The following NUP210 variants were observed in gnomAD, a reference collection of about 807,000 sequenced individuals.
NUP210 encodes nuclear pore membrane glycoprotein 210.
In NUP210, 151 loss-of-function variants were observed where a neutral mutation model predicts 196.0. The observed-to-expected ratio is 0.77, with a 90% confidence interval of 0.67 to 0.88. The LOEUF is 0.88. NUP210 is among the 40% of genes least tolerant of loss of function. The pLI, the probability that NUP210 is intolerant of heterozygous loss-of-function variation, is 0.00. For missense variants in NUP210, 2,314 were observed against 2,493.7 expected (o/e 0.93, Z 1.53); for synonymous variants, 1,070 against 1,052.7 (o/e 1.02, Z -0.32).
intron 4 of NUP210, among the ~76,000 whole-genome samples, chr3:13,389,408 C>G (rs903434506): frequency 6.6e-6 from 1 of 152,186 alleles, no homozygotes; most frequent in African/African-American, 2.4e-5. Context: ...CAGTGGCCCT[C>G]AGAGGCAGGC....
intron 18 of NUP210, 150 bp downstream of exon 18, chr3:13,353,403 CT>C (rs890840520): frequency 2.3e-5 from 15 of 644,906 alleles, no homozygotes; most frequent in Non-Finnish European, 3.0e-5. Context: ...ATAGCAGTGC[CT>C]CTCCTGGGGC....
At chr3:13,416,480 C>T (rs1700352415) in intron 1 of NUP210, among the ~76,000 whole-genome samples, 3 of 152,354 alleles carry the variant, frequency 2.0e-5, no homozygotes, top group East Asian at 1.9e-4. Context: ...TTGGTCTCTT[C>T]GCCTGAAGGC....
chr3:13,351,200 C>T (rs1202133985), intron 20 of NUP210, among the ~76,000 whole-genome samples: 1 of 152,122 alleles, frequency 6.6e-6, no homozygotes, highest in Non-Finnish European at 1.5e-5. Flanking sequence ...ATGAGCACAG[C>T]TAAAGTCAAT....
In NUP210 at chr3:13,340,370, ACATGTTT is replaced by A; in HGVS notation, c.3229-79_3229-73del. Reference sequence around the variant, plus strand: ...TGGCGCCAAGCATAACTCACACACTACATGTTTCATGAGAGGAAAACCTGGGACATGG... The same window carrying A: ...TGGCGCCAAGCATAACTCACACACTACATGAGAGGAAAACCTGGGACATGG... On this transcript the variant is annotated intron_variant, in intron 23 of 39. Transcript: ENST00000254508. This position sits in a 1 kb window ranked among gnomAD's most constrained non-coding sequence, Gnocchi z 4.0. 1.2e-5 allele frequency: 16 copies of A among 1,351,098 alleles called. No homozygotes were observed. The South Asian group carries it at 1.9e-4, about 16-fold the overall frequency. The allele number at this position is 1,351,098 out of a possible 1,614,324, so 83.7% of individuals were successfully genotyped here.
At chr3:13,399,330 G>C (rs1451017388) in intron 2 of NUP210, among the ~76,000 whole-genome samples, 3 of 151,308 alleles carry the variant, frequency 2.0e-5, no homozygotes, top group Non-Finnish European at 4.4e-5. Context: ...AATCTAAGTA[G>C]GGAAAAGCAT....
chr3:13,388,325 C>T lies in NUP210; in HGVS notation c.662G>A (p.Arg221His), dbSNP rs758235896. ...MKTGSSKLKA[R>H]IQEAVYKNVR... ...CACCTTGTAGACAGCCTCCTGGATGCGAGCCTTGAGCTTGGAGCTCCCGGT... is the reference window on the plus strand; with the variant it reads ...CACCTTGTAGACAGCCTCCTGGATGTGAGCCTTGAGCTTGGAGCTCCCGGT... Residue 221 changes from arginine (R) to histidine (H), a missense_variant, in exon 5 of 40, where the codon CGC (arginine) becomes CAC (histidine). Arg to His is a conservative substitution (Grantham distance 29). Transcript: ENST00000254508. 2.2e-5 allele frequency: 35 copies of T among 1,609,286 alleles called. No individual in the cohort carries two copies. Among genetic ancestry groups the T allele is most frequent in the Non-Finnish European group, 2.9e-5 (34 of 1,178,038 alleles).
intron 16 of NUP210, among the ~76,000 whole-genome samples, chr3:13,356,057 A>G (rs1052597633): frequency 2.0e-5 from 3 of 152,286 alleles, no homozygotes; most frequent in South Asian, 2.1e-4. Context: ...AGTGTGGCCA[A>G]TCTCTGGTGT....
intron 14 of NUP210, 142 bp downstream of exon 14, chr3:13,365,804 A>G: frequency 1.1e-6 from 1 of 920,840 alleles, no homozygotes; most frequent in Admixed American, 2.1e-5. Flanking sequence ...GCTTTCAGCC[A>G]GAAATCATGG....
chr3:13,343,342 G>GGGGGGGGGGGGGGGGT, intron 20 of NUP210, 39 bp from the exon 21 acceptor site: 17 of 655,982 alleles, frequency 2.6e-5, no homozygotes, highest in East Asian at 8.9e-5. Context: ...TGGGTGGTGG[G>GGGGGGGGGGGGGGGGT]TTACGCAGCT....
intron 5 of NUP210, among the ~76,000 whole-genome samples, chr3:13,387,980 C>T (rs987445666): frequency 6.6e-6 from 1 of 152,096 alleles, no homozygotes; most frequent in Non-Finnish European, 1.5e-5. Flanking sequence ...TGTCCCTATA[C>T]CAGCACGGTG....
At chr3:13,388,594 G>C (rs1576409784) in intron 4 of NUP210, 141 bp from the exon 5 acceptor site, 1 of 809,084 alleles carries the variant, frequency 1.2e-6, no homozygotes, top group South Asian at 2.1e-5. Flanking sequence ...CAGGGCTGGG[G>C]CTGCCTAGAG....
At position 13,350,543 on chromosome 3, in the gene NUP210, T is replaced by A. The variant is rs184958990; in HGVS notation, c.2835+1336A>T. ...GAAAAAAGGCAGATGACAGAAACTG[T>A]CTGTGAGGGCCACCAGAGATCAGAT... On this transcript the variant is annotated intron_variant, in intron 20 of 39. Transcript: ENST00000254508. The surrounding 1 kb of genome is among the most constrained non-coding windows in gnomAD (Gnocchi z 4.1). Among the ~76,000 whole-genome samples, 3 of 152,040 alleles carry A rather than the reference T, an allele frequency of 2.0e-5. No individual in the cohort carries two copies. The East Asian group carries it at 5.8e-4, about 29-fold the overall frequency.
chr3:13,366,299 T>G (rs926012376), intron 13 of NUP210, among the ~76,000 whole-genome samples: 22 of 151,698 alleles, frequency 1.5e-4, no homozygotes, highest in African/African-American at 4.8e-4. Flanking sequence ...CGGCTAATTT[T>G]TGTATTTTTT....
chr3:13,415,291 T>G lies in NUP210; in HGVS notation c.167+4769A>C, dbSNP rs538266847. On this transcript the variant is annotated intron_variant, in intron 1 of 39. Coordinates refer to ENST00000254508, the MANE Select transcript of NUP210 (RefSeq NM_024923.4). ...TCAGTGACTCTCCAGCCCTCCTCGGTGAAATATGTGTCGTCCATCAGTGCT... is the reference window on the plus strand; with the variant it reads ...TCAGTGACTCTCCAGCCCTCCTCGGGGAAATATGTGTCGTCCATCAGTGCT... Among the ~76,000 whole-genome samples, 210 of 152,286 alleles carry G rather than the reference T, an allele frequency of 1.4e-3. 1 individual carries two copies. The highest frequency in any genetic ancestry group is 4.6e-3 in the African/African-American group (191 of 41,560).
At chr3:13,361,449 G>A (rs1040608956) in intron 14 of NUP210, among the ~76,000 whole-genome samples, 1 of 152,178 alleles carries the variant, frequency 6.6e-6, no homozygotes, top group Non-Finnish European at 1.5e-5. Flanking sequence ...TAGATTCTAT[G>A]TAACAGGGTG....
chr3:13,346,655 G>T (rs1251886560), intron 20 of NUP210, among the ~76,000 whole-genome samples: 1 of 152,170 alleles, frequency 6.6e-6, no homozygotes, highest in Non-Finnish European at 1.5e-5. Context: ...ACATCATCTC[G>T]GTCCCCGCTT....
At chr3:13,394,144 G>A (rs1699577984) in intron 3 of NUP210, among the ~76,000 whole-genome samples, 1 of 152,164 alleles carries the variant, frequency 6.6e-6, no homozygotes, top group African/African-American at 2.4e-5. Context: ...CTCCCTGGAG[G>A]AGGGGACACC....
intron 4 of NUP210, among the ~76,000 whole-genome samples, chr3:13,390,535 T>G (rs1423688152): frequency 6.6e-6 from 1 of 152,350 alleles, no homozygotes; most frequent in African/African-American, 2.4e-5. Context: ...TCTTAGGAAC[T>G]GAACTGCTCA....
At chr3:13,331,846 T>C (rs1421049036) in intron 29 of NUP210, among the ~76,000 whole-genome samples, 2 of 152,132 alleles carry the variant, frequency 1.3e-5, no homozygotes, top group Non-Finnish European at 2.9e-5. Context: ...TTCCCAAGCG[T>C]TACTGTGCGG....
Sources: allele counts gnomAD v4.1 joint callset (sites outside exome capture counted in the v4.1 genomes callset), GRCh38; gene constraint gnomAD v4.1.1; non-coding constraint Gnocchi (gnomAD v3.1); transcripts MANE v1.5; gene names NCBI Gene and HGNC (gene_info 2026-07-23, HGNC 2026-07-21).